The following MAST4 variants were observed in gnomAD, a reference collection of about 807,000 sequenced individuals.
MAST4 encodes the protein microtubule associated serine/threonine kinase family member 4.
Under a neutral mutation model 162.7 loss-of-function variants are expected in MAST4, and 89 were observed. The ratio of observed to expected loss-of-function variants is 0.55; its 90% confidence interval spans 0.46 to 0.65. The LOEUF (loss-of-function observed/expected upper bound fraction) is 0.65, where lower values mean the gene tolerates loss of function less well. Among genes scored for constraint, MAST4 ranks in the 30% least tolerant of loss-of-function variants. The probability of loss-of-function intolerance (pLI) is 0.00; values close to 1 mark genes in which losing one functional copy is unlikely to be tolerated. For missense variants in MAST4, 3,153 were observed against 3,374.0 expected (o/e 0.93, Z 1.62); for synonymous variants, 1,479 against 1,361.1 (o/e 1.09, Z -1.91).
Position 67,163,940 on chromosome 5 carries a change from T to A in MAST4, c.4761T>A (p.Phe1587Leu), listed in dbSNP as rs776913007. The change falls in exon 29 of 29, where the codon TTT becomes TTA. Residue 1587 changes from phenylalanine (F) to leucine (L), a missense_variant. Phe to Leu is a conservative substitution (Grantham distance 22). Transcript: ENST00000403625. The surrounding 1 kb of genome is among the most constrained non-coding windows in gnomAD (Gnocchi z 7.0). The stretch of plus-strand genomic sequence containing the variant: ...AGGCTGTGGAAAGGTCAAGTACTTT[T>A]GAAAACAAAGCGTCTATGCAGGAGG... ...YPKAVERSST[F>L]ENKASMQEAP... The A allele has an allele frequency of 6.2e-7, 1 of 1,613,776 alleles. No homozygotes were observed.
chr5:67,026,537 T>A (rs916976430), intron 4 of MAST4, among the ~76,000 whole-genome samples: 2 of 152,232 alleles, frequency 1.3e-5, no homozygotes, highest in African/African-American at 4.8e-5. Context: ...AACATGGAAT[T>A]ATTTTCAGGT....
intron 1 of MAST4, among the ~76,000 whole-genome samples, chr5:66,700,440 T>C (rs1414965146): frequency 2.0e-5 from 3 of 152,070 alleles, no homozygotes; most frequent in Non-Finnish European, 4.4e-5. Context: ...ATATTAACCT[T>C]GTCAGAACTG....
At chr5:67,004,939 C>G in intron 4 of MAST4, 1 of 709,938 alleles carries the variant, frequency 1.4e-6, no homozygotes, top group Admixed American at 2.1e-5. Context: ...TTTTTTACCT[C>G]TCCCCATTTT....
chr5:66,777,268 T>A (rs1020528032), intron 2 of MAST4, among the ~76,000 whole-genome samples: 3 of 152,206 alleles, frequency 2.0e-5, no homozygotes, highest in Non-Finnish European at 2.9e-5. Context: ...AATCCGAAGA[T>A]GACACCAAGG....
At chr5:67,126,454 T>C (rs1404228971) in intron 14 of MAST4, among the ~76,000 whole-genome samples, 1 of 152,248 alleles carries the variant, frequency 6.6e-6, no homozygotes, top group South Asian at 2.1e-4. Flanking sequence ...GTTTCAACTT[T>C]CTGCATATGG....
intron 1 of MAST4, among the ~76,000 whole-genome samples, chr5:66,704,679 T>G (rs533455439): frequency 6.6e-6 from 1 of 152,034 alleles, no homozygotes; most frequent in Non-Finnish European, 1.5e-5. Context: ...TTTTTGTATT[T>G]TTAGCAGAGA....
intron 1 of MAST4, among the ~76,000 whole-genome samples, chr5:66,707,295 A>G (rs888407848): frequency 6.6e-6 from 1 of 152,176 alleles, no homozygotes; most frequent in Non-Finnish European, 1.5e-5. Flanking sequence ...GTTTCCAGCC[A>G]GGATTCTGAC....
At chr5:66,776,435 A>G (rs1318859491) in intron 2 of MAST4, among the ~76,000 whole-genome samples, 1 of 152,214 alleles carries the variant, frequency 6.6e-6, no homozygotes, top group African/African-American at 2.4e-5. Context: ...GCTTACCTTG[A>G]AAATAGACAT....
intron 3 of MAST4, among the ~76,000 whole-genome samples, chr5:66,867,040 C>T (rs1285008441): frequency 3.3e-5 from 5 of 152,306 alleles, no homozygotes; most frequent in East Asian, 1.9e-4. Context: ...GGGTTACAAG[C>T]GTGAGCCACT....
intron 1 of MAST4, among the ~76,000 whole-genome samples, chr5:66,707,289 C>T (rs1047468734): frequency 6.6e-6 from 1 of 152,162 alleles, no homozygotes; most frequent in Admixed American, 6.5e-5. Flanking sequence ...GCCATTGTTT[C>T]CAGCCAGGAT....
intron 1 of MAST4, among the ~76,000 whole-genome samples, chr5:66,726,321 C>T (rs987252589): frequency 2.6e-5 from 4 of 151,874 alleles, no homozygotes; most frequent in African/African-American, 7.3e-5. Context: ...TGCTGGAGGC[C>T]AAAGTAGATT....
intron 1 of MAST4, among the ~76,000 whole-genome samples, chr5:66,639,285 T>TGTGTGTGTGTGC (rs1745327305): frequency 6.6e-6 from 1 of 150,656 alleles, no homozygotes; most frequent in Non-Finnish European, 1.5e-5. Flanking sequence ...AGCTTGTGTG[T>TGTGTGTGTGTGC]GTGTGTGTGT....
chr5:66,917,594 C>T (rs199874069), intron 4 of MAST4, among the ~76,000 whole-genome samples: 5 of 127,830 alleles, frequency 3.9e-5, no homozygotes, highest in Non-Finnish European at 7.3e-5. Flanking sequence ...GATTCTCTTT[C>T]TTTTTTTTTT....
chr5:67,140,559 C>G (rs1010016721), intron 19 of MAST4, among the ~76,000 whole-genome samples: 1 of 152,318 alleles, frequency 6.6e-6, no homozygotes, highest in Non-Finnish European at 1.5e-5. Flanking sequence ...ATGCCTCTGC[C>G]TTATATGTGG....
chr5:66,628,948 G>A (rs1322491202), intron 1 of MAST4, among the ~76,000 whole-genome samples: 1 of 152,178 alleles, frequency 6.6e-6, no homozygotes, highest in Admixed American at 6.5e-5. Flanking sequence ...ACCTAGAATT[G>A]TATAATATCT....
chr5:66,980,565 C>T (rs531613176), intron 4 of MAST4, among the ~76,000 whole-genome samples: 141 of 152,278 alleles, frequency 9.3e-4, no homozygotes, highest in Non-Finnish European at 1.1e-3. Context: ...AGAAATCTTT[C>T]GTGAAATGGC....
intron 4 of MAST4, among the ~76,000 whole-genome samples, chr5:66,981,367 A>G (rs1339920776): frequency 6.6e-6 from 1 of 152,256 alleles, no homozygotes. Context: ...AGGAATGGCT[A>G]ATAATAGATA....
intron 4 of MAST4, among the ~76,000 whole-genome samples, chr5:66,951,598 A>G (rs697606): frequency 0.025 from 3,047 of 122,402 alleles, 49 homozygotes; most frequent in Non-Finnish European, 0.035. Context: ...CTCCCATGAT[A>G]TGTGTGTGTG....
At chr5:67,151,310 G>C (rs1771778115) in intron 24 of MAST4, among the ~76,000 whole-genome samples, 1 of 150,170 alleles carries the variant, frequency 6.7e-6, no homozygotes, top group Non-Finnish European at 1.5e-5. Flanking sequence ...TCTGACAAGG[G>C]CTTGTTCCTC....
Sources: allele counts gnomAD v4.1 joint callset (sites outside exome capture counted in the v4.1 genomes callset), GRCh38; gene constraint gnomAD v4.1.1; non-coding constraint Gnocchi (gnomAD v3.1); transcripts MANE v1.5; gene names NCBI Gene and HGNC (gene_info 2026-07-23, HGNC 2026-07-21).